VPS13B: variants seen among roughly 807,000 people sequenced by gnomAD.
VPS13B encodes intermembrane lipid transfer protein VPS13B.
A neutral mutation model predicts 426.4 loss-of-function variants in VPS13B; 285 were observed. The ratio of observed to expected loss-of-function variants is 0.67; its 90% CI spans 0.61 to 0.74. VPS13B has a LOEUF of 0.74. VPS13B is among the 30% of genes least tolerant of loss of function. The pLI, the probability that VPS13B is intolerant of heterozygous loss-of-function variation, is 0.00. For missense variants in VPS13B, 4,537 were observed against 4,782.6 expected, an observed-to-expected ratio of 0.95 and a Z score of 1.51; for synonymous variants, 1,676 against 1,676.4, an observed-to-expected ratio of 1.00 and a Z score of 0.01.
chr8:99,608,449 A>G (rs988554724), intron 33 of VPS13B, among the ~76,000 whole-genome samples: 3 of 152,154 alleles, frequency 2.0e-5, no homozygotes, highest in African/African-American at 7.2e-5. Flanking sequence ...TGGCCTATCC[A>G]CATTATTGAC....
chr8:99,404,151 T>C (rs1452905161), intron 21 of VPS13B, among the ~76,000 whole-genome samples: 3 of 152,244 alleles, frequency 2.0e-5, no homozygotes, highest in Admixed American at 2.0e-4. Context: ...TATCATAATA[T>C]GTGATTTGAA....
At chr8:99,709,185 G>A (rs1044298110) in intron 36 of VPS13B, among the ~76,000 whole-genome samples, 43 of 152,120 alleles carry the variant, frequency 2.8e-4, no homozygotes, top group Admixed American at 2.8e-3. Flanking sequence ...TGATTTTCTA[G>A]TAGCCTTAGA....
At chr8:99,572,989 G>A (rs1325834510) in intron 31 of VPS13B, among the ~76,000 whole-genome samples, 2 of 152,072 alleles carry the variant, frequency 1.3e-5, no homozygotes, top group African/African-American at 2.4e-5. Context: ...TTTAATGATT[G>A]CCATTCTAAC....
At chr8:99,524,600 A>G (rs919457165) in intron 30 of VPS13B, among the ~76,000 whole-genome samples, 4 of 152,172 alleles carry the variant, frequency 2.6e-5, no homozygotes, top group African/African-American at 9.6e-5. Context: ...CGAGACCAGC[A>G]TAGGCAACAT....
Position 99,354,979 on chromosome 8 carries a change from AG to A in VPS13B, c.2825-29226del, listed in dbSNP as rs1420715331. On this transcript the variant is annotated intron_variant, in intron 19 of 61. Transcript: ENST00000357162. The stretch of plus-strand genomic sequence containing the variant: ...AACAAAAAACCTAGTCATGGGAGAA[AG>A]GGAGTTGGAGAGTAAGCTTTGGAAG... 4.6e-5 allele frequency among the ~76,000 whole-genome samples: 7 copies of A among 152,316 alleles called. 1 individual carries two copies. Among genetic ancestry groups the A allele is most frequent in the African/African-American group, 1.7e-4 (7 of 41,582 alleles).
At chr8:99,336,166 A>C (rs1165853967) in intron 19 of VPS13B, among the ~76,000 whole-genome samples, 1 of 152,130 alleles carries the variant, frequency 6.6e-6, no homozygotes, top group Non-Finnish European at 1.5e-5. Context: ...CAAAACAGAG[A>C]TATAGATCAA....
chr8:99,356,826 C>T (rs1357937954), intron 19 of VPS13B, among the ~76,000 whole-genome samples: 1 of 152,182 alleles, frequency 6.6e-6, no homozygotes, highest in Non-Finnish European at 1.5e-5. Flanking sequence ...AACTTATAGA[C>T]TGAATACTTT....
At chr8:99,615,893 A>G (rs537999081) in intron 33 of VPS13B, among the ~76,000 whole-genome samples, 199 of 152,196 alleles carry the variant, frequency 1.3e-3, no homozygotes, top group African/African-American at 4.6e-3. Context: ...GTCTTTTTTT[A>G]TGCGATGCTA....
chr8:99,736,751 T>G (rs1372345090), intron 39 of VPS13B, among the ~76,000 whole-genome samples: 2 of 74 alleles, frequency 0.027, no homozygotes, highest in Non-Finnish European at 0.048. Context: ...GATGTAGTTT[T>G]TTACTTATTT....
At chr8:99,315,134 T>C (rs1425741020) in intron 19 of VPS13B, among the ~76,000 whole-genome samples, 1 of 152,200 alleles carries the variant, frequency 6.6e-6, no homozygotes, top group Non-Finnish European at 1.5e-5. Context: ...TTTTTTGTTT[T>C]TTGATGGAAT....
intron 4 of VPS13B, 151 bp downstream of exon 4, chr8:99,096,583 ATG>A: frequency 9.0e-7 from 1 of 1,110,090 alleles, no homozygotes; most frequent in Non-Finnish European, 1.3e-6. Context: ...TGGTGAAGCC[ATG>A]TCTCTGCTAA....
intron 17 of VPS13B, among the ~76,000 whole-genome samples, chr8:99,260,943 T>C (rs1030735191): frequency 2.0e-5 from 3 of 152,084 alleles, no homozygotes; most frequent in African/African-American, 7.2e-5. Context: ...GTTTTTCTTT[T>C]TTTAAAAAAA....
chr8:99,362,336 G>A (rs1588293435), intron 19 of VPS13B, among the ~76,000 whole-genome samples: 1 of 151,760 alleles, frequency 6.6e-6, no homozygotes, highest in Non-Finnish European at 1.5e-5. Context: ...TAGAGCCCGG[G>A]TTTCACTGTG....
chr8:99,136,424 G>A (rs1810073421), intron 11 of VPS13B, among the ~76,000 whole-genome samples: 1 of 152,112 alleles, frequency 6.6e-6, no homozygotes. Flanking sequence ...TTATTAACTA[G>A]ACATGATTAA....
At chr8:99,234,545 G>A in intron 17 of VPS13B, 1 of 451,568 alleles carries the variant, frequency 2.2e-6, no homozygotes, top group Non-Finnish European at 4.3e-6. Flanking sequence ...CCGCAGGGCT[G>A]GGGTTCGGGG....
At chr8:99,331,812 G>C (rs2133156584) in intron 19 of VPS13B, among the ~76,000 whole-genome samples, 1 of 151,870 alleles carries the variant, frequency 6.6e-6, no homozygotes, top group Non-Finnish European at 1.5e-5. Flanking sequence ...ATGTTTACAT[G>C]AGACAGAAGG....
At chr8:99,053,612 C>T (rs1587970108) in intron 3 of VPS13B, among the ~76,000 whole-genome samples, 1 of 150,214 alleles carries the variant, frequency 6.7e-6, no homozygotes, top group African/African-American at 2.4e-5. Context: ...GCTTATTTCA[C>T]TTAGCACAGT....
At chr8:99,724,728 A>G (rs1274163916) in intron 39 of VPS13B, among the ~76,000 whole-genome samples, 1 of 152,190 alleles carries the variant, frequency 6.6e-6, no homozygotes, top group Non-Finnish European at 1.5e-5. Context: ...ACAAATGCCT[A>G]GACCACTAAA....
Position 99,013,818 on chromosome 8 carries a change from A to G in VPS13B, c.30A>G (p.Leu10=). Residue 10 remains leucine, a synonymous_variant, in exon 2 of 62, where the codon TTA becomes TTG. Coordinates refer to ENST00000357162, the MANE Select transcript of VPS13B (RefSeq NM_152564.5). MLESYVTPI[L]MSYVNRYIKN... Reference sequence around the variant, plus strand: ...TGGAGTCATATGTAACTCCAATTTTAATGAGCTATGTGAATCGCTACATCA... The same window carrying G: ...TGGAGTCATATGTAACTCCAATTTTGATGAGCTATGTGAATCGCTACATCA... 6.2e-7 allele frequency: 1 copy of G among 1,614,224 alleles called. No homozygotes were observed. The highest frequency in any genetic ancestry group is 8.5e-7 in the Non-Finnish European group (1 of 1,180,036).
Sources: gnomAD v4.1 joint callset for allele counts (sites outside exome capture counted in the v4.1 genomes callset) on GRCh38, gnomAD v4.1.1 for gene constraint, MANE v1.5 for transcripts, NCBI Gene and HGNC (gene_info 2026-07-23, HGNC 2026-07-21) for gene names.